Variants in SGCZ observed in about 807,000 individuals in gnomAD.
SGCZ encodes sarcoglycan zeta, also known as zeta-sarcoglycan.
In SGCZ, 40 loss-of-function variants were observed where a neutral mutation model predicts 41.3. That is an observed-to-expected ratio of 0.97 (90% CI 0.75 to 1.26). The LOEUF is 1.26. Ranked by LOEUF, SGCZ falls within the 50% of genes most tolerant of loss-of-function variation. The probability of loss-of-function intolerance (pLI) is 0.00; values close to 1 mark genes in which losing one functional copy is unlikely to be tolerated. For synonymous variants in SGCZ, 206 were observed against 137.5 expected (o/e 1.50, Z -3.49); for missense variants, 552 against 369.8 (o/e 1.49, Z -4.04).
At chr8:14,701,090 G>T (rs182053237) in intron 1 of SGCZ, among the ~76,000 whole-genome samples, 2 of 152,076 alleles carry the variant, frequency 1.3e-5, no homozygotes, top group African/African-American at 4.8e-5. Flanking sequence ...GGAAGGATAA[G>T]ATGGAAGCAT....
At chr8:14,688,608 T>A (rs1808695761) in intron 1 of SGCZ, among the ~76,000 whole-genome samples, 1 of 152,184 alleles carries the variant, frequency 6.6e-6, no homozygotes, top group South Asian at 2.1e-4. Flanking sequence ...CCTTGTAGTA[T>A]AGTTTGAAAT....
At chr8:14,881,061 T>C (rs1563335578) in intron 1 of SGCZ, among the ~76,000 whole-genome samples, 1 of 152,194 alleles carries the variant, frequency 6.6e-6, no homozygotes, top group Non-Finnish European at 1.5e-5. Flanking sequence ...GACCTTGGCC[T>C]GTGACTTAAT....
At chr8:14,375,031 G>C (rs533186421) in intron 2 of SGCZ, among the ~76,000 whole-genome samples, 1 of 152,246 alleles carries the variant, frequency 6.6e-6, no homozygotes, top group Non-Finnish European at 1.5e-5. Flanking sequence ...GAAGCACTGA[G>C]TTTGGTTTAA....
rs183092513 is a variant in SGCZ at position 15,140,320 on chromosome 8, C to A, written c.39+97265G>T. 1.3e-3 allele frequency among the ~76,000 whole-genome samples: 203 copies of A among 152,272 alleles called. 1 individual carries two copies. The highest frequency in any genetic ancestry group is 2.5e-3 in the Non-Finnish European group (168 of 68,012). ...AATAACAGGTATGAGCCACCGTGCC[C>A]AGTCATTATAGAGCTTATTTAGAGC... On this transcript the variant is annotated intron_variant, in intron 1 of 7. Transcript: ENST00000382080.
At chr8:14,288,620 A>C (rs1442163820) in intron 3 of SGCZ, among the ~76,000 whole-genome samples, 1 of 152,168 alleles carries the variant, frequency 6.6e-6, no homozygotes, top group Non-Finnish European at 1.5e-5. Flanking sequence ...ATAGTATTTC[A>C]ATCCTTTCAT....
intron 4 of SGCZ, among the ~76,000 whole-genome samples, chr8:14,178,314 T>A (rs1176177504): frequency 6.6e-6 from 1 of 152,204 alleles, no homozygotes; most frequent in Non-Finnish European, 1.5e-5. Context: ...TGAAACCATT[T>A]GAAGCTAAAG....
chr8:14,646,000 A>G (rs7843671), intron 1 of SGCZ, among the ~76,000 whole-genome samples: 82,536 of 151,334 alleles, frequency 0.55, 22,853 homozygotes, highest in Middle Eastern at 0.67. Context: ...AGAATCTCAG[A>G]ATCTTGAACA....
intron 1 of SGCZ, among the ~76,000 whole-genome samples, chr8:15,078,386 A>G (rs559165817): frequency 6.6e-6 from 1 of 151,620 alleles, no homozygotes; most frequent in South Asian, 2.1e-4. Flanking sequence ...CAGTAATAAC[A>G]AATTCTTTGA....
intron 1 of SGCZ, among the ~76,000 whole-genome samples, chr8:14,936,333 A>G (rs909165569): frequency 9.2e-5 from 14 of 152,000 alleles, no homozygotes; most frequent in African/African-American, 3.4e-4. Flanking sequence ...CAAGCATCAA[A>G]TCTTAGCCTA....
At chr8:15,065,902 A>C (rs907430945) in intron 1 of SGCZ, among the ~76,000 whole-genome samples, 1 of 152,226 alleles carries the variant, frequency 6.6e-6, no homozygotes, top group Admixed American at 6.5e-5. Flanking sequence ...TTTGTTTCAC[A>C]TATTTCTGTG....
intron 2 of SGCZ, among the ~76,000 whole-genome samples, chr8:14,523,273 T>C (rs946234077): frequency 1.3e-5 from 2 of 152,036 alleles, no homozygotes; most frequent in African/African-American, 4.8e-5. Flanking sequence ...TTCTTACTCT[T>C]GATATTTTCA....
At chr8:14,545,187 G>C (rs1803587306) in intron 2 of SGCZ, among the ~76,000 whole-genome samples, 2 of 152,022 alleles carry the variant, frequency 1.3e-5, no homozygotes. Flanking sequence ...CACTGACACA[G>C]ACTGAAAACT....
chr8:14,266,891 G>C (rs58075300), intron 3 of SGCZ, among the ~76,000 whole-genome samples: 2 of 152,206 alleles, frequency 1.3e-5, no homozygotes, highest in East Asian at 3.9e-4. Flanking sequence ...AAATGGAGTA[G>C]AGGAACTATT....
intron 1 of SGCZ, among the ~76,000 whole-genome samples, chr8:14,797,745 G>T (rs371804823): frequency 6.6e-6 from 1 of 152,134 alleles, no homozygotes; most frequent in African/African-American, 2.4e-5. Context: ...AGGAAATAAT[G>T]GTTTCCTGGG....
intron 1 of SGCZ, among the ~76,000 whole-genome samples, chr8:14,644,880 T>C (rs1585149794): frequency 6.6e-6 from 1 of 151,672 alleles, no homozygotes; most frequent in Non-Finnish European, 1.5e-5. Flanking sequence ...ACCAGATTTC[T>C]TTCTCACTGA....
chr8:15,064,710 T>A (rs187394301), intron 1 of SGCZ, among the ~76,000 whole-genome samples: 7 of 152,112 alleles, frequency 4.6e-5, no homozygotes, highest in African/African-American at 9.7e-5. Flanking sequence ...CATTGTTACA[T>A]TTCTTCCCTG....
intron 2 of SGCZ, among the ~76,000 whole-genome samples, chr8:14,443,031 G>C (rs995608829): frequency 6.6e-6 from 1 of 152,066 alleles, no homozygotes; most frequent in African/African-American, 2.4e-5. Flanking sequence ...CAAACAGAGA[G>C]CCAAATCATG....
intron 1 of SGCZ, among the ~76,000 whole-genome samples, chr8:14,914,241 T>G (rs57395630): frequency 0.12 from 17,261 of 141,120 alleles, 1,125 homozygotes; most frequent in African/African-American, 0.17. Flanking sequence ...TATATATATA[T>G]AGAGAGTGTG....
intron 1 of SGCZ, among the ~76,000 whole-genome samples, chr8:14,571,230 G>A (rs1272117463): frequency 6.6e-6 from 1 of 152,176 alleles, no homozygotes. Flanking sequence ...CATGATTACA[G>A]CATGGGGCAA....
Sources: allele counts gnomAD v4.1 joint callset (sites outside exome capture counted in the v4.1 genomes callset), GRCh38; gene constraint gnomAD v4.1.1; transcripts MANE v1.5; gene names NCBI Gene and HGNC (gene_info 2026-07-23, HGNC 2026-07-21).